The following SLC5A12 variants were observed in gnomAD, a reference collection of about 807,000 sequenced individuals.
The protein encoded by SLC5A12 is solute carrier family 5 member 12, also known as sodium-coupled monocarboxylate transporter 2.
In SLC5A12, 46 loss-of-function variants were observed where a neutral mutation model predicts 72.7. That is an observed-to-expected ratio of 0.63 (90% confidence interval 0.50 to 0.81). The LOEUF (loss-of-function observed/expected upper bound fraction) is 0.81. Among genes scored for constraint, SLC5A12 ranks in the 30% least tolerant of loss-of-function variants. The pLI, the probability that SLC5A12 is intolerant of heterozygous loss-of-function variation, is 0.00. For missense variants in SLC5A12, 683 were observed against 740.7 expected (o/e 0.92, Z 0.90); for synonymous variants, 275 against 264.4 (o/e 1.04, Z -0.39).
chr11:26,718,201 G>C (rs1855395934), intron 1 of SLC5A12, among the ~76,000 whole-genome samples: 1 of 152,098 alleles, frequency 6.6e-6, no homozygotes. Context: ...TTTGAAGATA[G>C]CAACAACAAT....
intron 9 of SLC5A12, 59 bp downstream of exon 9, chr11:26,692,430 G>T: frequency 1.7e-6 from 2 of 1,176,648 alleles, no homozygotes; most frequent in South Asian, 2.4e-5. Context: ...GCAGGATTTT[G>T]ACATCTACCA....
intron 6 of SLC5A12, among the ~76,000 whole-genome samples, chr11:26,703,130 C>T: frequency 6.6e-6 from 1 of 152,036 alleles, no homozygotes; most frequent in East Asian, 1.9e-4. Flanking sequence ...TTAATTGTGC[C>T]TCAGTTTACC....
At chr11:26,708,143 T>G (rs1034061438) in intron 4 of SLC5A12, among the ~76,000 whole-genome samples, 2 of 152,096 alleles carry the variant, frequency 1.3e-5, no homozygotes, top group Admixed American at 6.6e-5. Context: ...TGTTTTATAT[T>G]ATTTTGTTAC....
Position 26,669,341 on chromosome 11 carries a change from T to C in SLC5A12, c.*1761A>G, listed in dbSNP as rs1854086532. On this transcript the variant is annotated 3_prime_UTR_variant, in exon 15 of 15. Coordinates refer to ENST00000396005, the MANE Select transcript of SLC5A12 (RefSeq NM_178498.4). ...TTCTAATTAATAAGAGTGTCACAAA[T>C]CATTTGGAAAATAATTGCACCTCTC... 1 of 151,630 alleles carries C rather than the reference T, an allele frequency of 6.6e-6. No individual in the cohort carries two copies. Among genetic ancestry groups the C allele is most frequent in the Non-Finnish European group, 1.5e-5 (1 of 67,886 alleles). 9.4% of individuals were successfully genotyped at this position (151,630 alleles called of 1,614,324 possible).
chr11:26,715,356 A>G (rs1855327045), intron 1 of SLC5A12, among the ~76,000 whole-genome samples: 1 of 152,062 alleles, frequency 6.6e-6, no homozygotes, highest in Non-Finnish European at 1.5e-5. Flanking sequence ...TGAGGGTGTT[A>G]TCATTGGCAC....
At chr11:26,706,638 T>C (rs1422322580) in intron 4 of SLC5A12, among the ~76,000 whole-genome samples, 1 of 151,830 alleles carries the variant, frequency 6.6e-6, no homozygotes, top group African/African-American at 2.4e-5. Context: ...CCCTTGAAAT[T>C]TTGCCATGCA....
rs933821046 is a variant in SLC5A12, at chr11:26,682,184, T to C, written c.1309-963A>G. Among the ~76,000 whole-genome samples, 15 of 152,144 alleles carry C rather than the reference T, an allele frequency of 9.9e-5. No homozygotes were observed. In the East Asian group the frequency reaches 2.5e-3, roughly 26 times the overall value. ...TGGCTGTGTTTTTAGTAAAATTTTA[T>C]TTATGGGCACTGAAATTGGAATTTT... On this transcript the variant is annotated intron_variant, in intron 11 of 14. Transcript: ENST00000396005.
chr11:26,699,005 G>A (rs983092236), intron 6 of SLC5A12, among the ~76,000 whole-genome samples: 19 of 152,158 alleles, frequency 1.2e-4, no homozygotes, highest in Non-Finnish European at 8.8e-5. Context: ...GGAGATTAAT[G>A]CAGATAAAAG....
intron 1 of SLC5A12, among the ~76,000 whole-genome samples, chr11:26,719,580 A>G (rs1396860248): frequency 6.6e-6 from 1 of 152,030 alleles, no homozygotes; most frequent in African/African-American, 2.4e-5. Context: ...CTCCAAGCAC[A>G]CTGATTTCTT....
intron 12 of SLC5A12, among the ~76,000 whole-genome samples, chr11:26,680,349 T>A (rs868317086): frequency 2.3e-5 from 3 of 127,682 alleles, no homozygotes; most frequent in South Asian, 2.2e-4. Flanking sequence ...GTATATATAT[T>A]CATATATATA....
Position 26,671,204 on chromosome 11 carries a change from G to A in SLC5A12, c.1755C>T (p.Val585=), listed in dbSNP as rs1854133764. The A allele has an allele frequency of 6.2e-7, 1 of 1,609,568 alleles. No homozygotes were observed. Among genetic ancestry groups the A allele is most frequent in the Non-Finnish European group, 8.5e-7 (1 of 1,177,874 alleles). The change falls in exon 15 of 15, where the codon GTC becomes GTT. Residue 585 remains valine, a synonymous_variant. Coordinates refer to ENST00000396005, the MANE Select transcript of SLC5A12 (RefSeq NM_178498.4). ...TTTCTCTTCTGAGTCCGTTCTGTAA[G>A]ACAGATTCAGCCCCCTGTTTCCGGG... ...GSARKQGAES[V]LQNGLRRESL... is the part of the protein sequence containing the mutation.
intron 1 of SLC5A12, among the ~76,000 whole-genome samples, chr11:26,720,176 T>G (rs1034099600): frequency 6.6e-6 from 1 of 152,052 alleles, no homozygotes. Flanking sequence ...GTGCAATGCT[T>G]TATGCCTAGG....
rs1416968314 is a variant in SLC5A12, at chr11:26,712,648, A to G, written c.398T>C (p.Val133Ala). 1 of 1,578,246 alleles carries G rather than the reference A, an allele frequency of 6.3e-7. No homozygotes were observed. The highest frequency in any genetic ancestry group is 1.2e-5 in the South Asian group (1 of 86,918). The change falls in exon 2 of 15, where the codon GTA (valine) becomes GCA (alanine). Residue 133 changes from valine to alanine, a missense_variant. Physicochemically the swap from Val to Ala is moderately conservative, Grantham distance 64. Coordinates refer to ENST00000396005, the MANE Select transcript of SLC5A12 (RefSeq NM_178498.4). The part of the protein sequence containing the change: ...VRYAATVIYI[V>A]QTILYTGVVV... ...GCAGCCATGACCACTTACCGTCTGT[A>G]CAATGTAGATGACCGTGGCAGCATA... is the stretch of plus-strand genomic sequence containing the variant.
intron 11 of SLC5A12, 48 bp from the exon 12 acceptor site, chr11:26,681,269 A>T (rs778580947): frequency 4.1e-6 from 6 of 1,459,796 alleles, no homozygotes; most frequent in Non-Finnish European, 5.5e-6. Flanking sequence ...AAAGCTGTCT[A>T]TGGAAAGAAT....
At chr11:26,674,646 G>T (rs1463222696) in intron 13 of SLC5A12, among the ~76,000 whole-genome samples, 1 of 151,992 alleles carries the variant, frequency 6.6e-6, no homozygotes, top group Non-Finnish European at 1.5e-5. Context: ...CAGGTGATCT[G>T]CCCACCTCAG....
In SLC5A12 at chr11:26,721,817, G is replaced by T; in HGVS notation, c.-103C>A. The T allele has an allele frequency of 1.0e-6, 1 of 976,516 alleles. No individual in the cohort carries two copies. Among genetic ancestry groups the T allele is most frequent in the Non-Finnish European group, 1.6e-6 (1 of 644,646 alleles). The allele number at this position is 976,516 out of a possible 1,614,324, so 60.5% of individuals were successfully genotyped here. On this transcript the variant is annotated 5_prime_UTR_variant, in exon 1 of 15. Transcript: ENST00000396005. The stretch of plus-strand genomic sequence containing the variant: ...CAGTGGATGCTTTGCTGAGAGGAGA[G>T]ACTGTGATTCCCTGAAGAAAATGAT...
intron 3 of SLC5A12, among the ~76,000 whole-genome samples, chr11:26,710,577 T>C (rs2133209784): frequency 6.6e-6 from 1 of 152,206 alleles, no homozygotes; most frequent in South Asian, 2.1e-4. Context: ...TGGTTTTGAT[T>C]TGCATTTCTC....
intron 4 of SLC5A12, 119 bp from the exon 5 acceptor site, chr11:26,704,066 G>T (rs1233169601): frequency 9.2e-7 from 1 of 1,084,000 alleles, no homozygotes; most frequent in Non-Finnish European, 1.4e-6. Context: ...CAGCCACTGA[G>T]GATCTTTTAT....
chr11:26,706,119 G>A (rs980783864), intron 4 of SLC5A12, among the ~76,000 whole-genome samples: 1 of 151,924 alleles, frequency 6.6e-6, no homozygotes, highest in East Asian at 1.9e-4. Context: ...TCTTTCACTG[G>A]TTATTTTAAA....
Sources: gnomAD v4.1 joint callset for allele counts (sites outside exome capture counted in the v4.1 genomes callset) on GRCh38, gnomAD v4.1.1 for gene constraint, MANE v1.5 for transcripts, NCBI Gene and HGNC (gene_info 2026-07-23, HGNC 2026-07-21) for gene names.